The following TMPRSS11D variants were observed in gnomAD, a reference collection of about 807,000 sequenced individuals.
TMPRSS11D encodes transmembrane serine protease 11D.
A neutral mutation model predicts 44.4 loss-of-function variants in TMPRSS11D; 32 were observed. That is an observed-to-expected ratio of 0.72 (90% CI 0.54 to 0.97). The LOEUF (loss-of-function observed/expected upper bound fraction) is 0.97, where lower values mean the gene tolerates loss of function less well. TMPRSS11D is among the 50% of genes least tolerant of loss of function. The pLI is 0.00. For synonymous variants in TMPRSS11D, 179 were observed against 177.9 expected, an observed-to-expected ratio of 1.01 and a Z score of -0.05; for missense variants, 446 against 502.6, an observed-to-expected ratio of 0.89 and a Z score of 1.08.
At chr4:67,866,479 T>C (rs1718929232) in intron 1 of TMPRSS11D, among the ~76,000 whole-genome samples, 1 of 151,846 alleles carries the variant, frequency 6.6e-6, no homozygotes. Context: ...AAACACATTA[T>C]GTGAAGTCGT....
intron 1 of TMPRSS11D, among the ~76,000 whole-genome samples, chr4:67,881,686 T>TC (rs1160491871): frequency 6.6e-6 from 1 of 152,106 alleles, no homozygotes; most frequent in Non-Finnish European, 1.5e-5. Context: ...CGATGGCTCG[T>TC]CCCCCCGCCA....
chr4:67,835,940 A>G (rs1289949794), intron 5 of TMPRSS11D, among the ~76,000 whole-genome samples: 1 of 152,124 alleles, frequency 6.6e-6, no homozygotes, highest in East Asian at 1.9e-4. Flanking sequence ...AGGTCTGTCT[A>G]TTTCAATTTA....
chr4:67,822,578 G>A (rs907791325), intron 9 of TMPRSS11D, 80 bp from the exon 10 acceptor site: 10 of 1,455,180 alleles, frequency 6.9e-6, no homozygotes, highest in Middle Eastern at 1.8e-4. Flanking sequence ...TATGGCAGTC[G>A]AGGAAGGAGT....
intron 2 of TMPRSS11D, among the ~76,000 whole-genome samples, chr4:67,856,589 A>G (rs557343384): frequency 2.0e-5 from 3 of 152,268 alleles, no homozygotes; most frequent in East Asian, 1.9e-4. Context: ...ATTTATCACT[A>G]TGACCTGAAA....
chr4:67,836,641 G>A (rs1718097400), intron 5 of TMPRSS11D, among the ~76,000 whole-genome samples: 1 of 151,986 alleles, frequency 6.6e-6, no homozygotes, highest in Non-Finnish European at 1.5e-5. Flanking sequence ...TTCTAAGGGG[G>A]ACAATAAAAC....
chr4:67,874,427 C>A (rs1719135136), intron 1 of TMPRSS11D, among the ~76,000 whole-genome samples: 1 of 152,152 alleles, frequency 6.6e-6, no homozygotes, highest in Non-Finnish European at 1.5e-5. Flanking sequence ...GTTATCTCTA[C>A]AAAATGTGTC....
At chr4:67,844,588 A>G (rs1407676088) in intron 3 of TMPRSS11D, among the ~76,000 whole-genome samples, 2 of 152,074 alleles carry the variant, frequency 1.3e-5, no homozygotes, top group East Asian at 1.9e-4. Flanking sequence ...AGTCTGGCCA[A>G]CATGGTGAAA....
chr4:67,863,124 C>A (rs948161868), intron 1 of TMPRSS11D, among the ~76,000 whole-genome samples: 15 of 150,512 alleles, frequency 1.0e-4, no homozygotes, highest in African/African-American at 3.6e-4. Context: ...GATCTCAGTA[C>A]AACTCATAAC....
At chr4:67,845,731 T>C (rs952756502) in intron 3 of TMPRSS11D, among the ~76,000 whole-genome samples, 2 of 152,164 alleles carry the variant, frequency 1.3e-5, no homozygotes, top group African/African-American at 4.8e-5. Flanking sequence ...CCCTTCTGAT[T>C]GAGGTGACAA....
intron 1 of TMPRSS11D, among the ~76,000 whole-genome samples, chr4:67,883,045 CTG>C (rs1560553230): frequency 6.6e-6 from 1 of 151,728 alleles, no homozygotes; most frequent in African/African-American, 2.4e-5. Context: ...GTGCATATAA[CTG>C]TATATATATT....
At chr4:67,855,268 A>C (rs973027800) in intron 2 of TMPRSS11D, among the ~76,000 whole-genome samples, 8 of 144,588 alleles carry the variant, frequency 5.5e-5, no homozygotes, top group Non-Finnish European at 1.1e-4. Flanking sequence ...AAAAAAAAAA[A>C]AAAATAGGCC....
chr4:67,827,131 G>A (rs1717812688), intron 8 of TMPRSS11D, 130 bp downstream of exon 8: 1 of 1,238,842 alleles, frequency 8.1e-7, no homozygotes, highest in Admixed American at 2.8e-5. Flanking sequence ...CTTGGGCTGA[G>A]CAGAATATAG....
chr4:67,837,185 C>T (rs191607891), intron 5 of TMPRSS11D, among the ~76,000 whole-genome samples: 1 of 152,214 alleles, frequency 6.6e-6, no homozygotes, highest in Admixed American at 6.6e-5. Flanking sequence ...TAAATAAACA[C>T]TTGGGAAGTG....
intron 1 of TMPRSS11D, among the ~76,000 whole-genome samples, chr4:67,861,462 C>T (rs1718789506): frequency 6.6e-6 from 1 of 152,128 alleles, no homozygotes; most frequent in Non-Finnish European, 1.5e-5. Flanking sequence ...AATGTAACTC[C>T]AAAGGCTAAA....
chr4:67,846,110 A>G (rs1019290656), intron 3 of TMPRSS11D, among the ~76,000 whole-genome samples: 3 of 152,066 alleles, frequency 2.0e-5, no homozygotes, highest in African/African-American at 7.2e-5. Flanking sequence ...CTTTCGTTTC[A>G]CCAGAAGATC....
chr4:67,828,895 G>A (rs1366807762), intron 7 of TMPRSS11D, among the ~76,000 whole-genome samples: 2 of 152,210 alleles, frequency 1.3e-5, no homozygotes, highest in African/African-American at 4.8e-5. Context: ...TAAAGGGTCA[G>A]TGAAAAATAA....
intron 7 of TMPRSS11D, among the ~76,000 whole-genome samples, chr4:67,827,918 T>C (rs1158021080): frequency 6.6e-6 from 1 of 152,076 alleles, no homozygotes; most frequent in African/African-American, 2.4e-5. Flanking sequence ...TTTCAATCCC[T>C]GTCTTTTCCT....
At chr4:67,881,386 C>T (rs181924638) in intron 1 of TMPRSS11D, among the ~76,000 whole-genome samples, 2 of 152,258 alleles carry the variant, frequency 1.3e-5, no homozygotes, top group South Asian at 2.1e-4. Context: ...AGCTGATCTT[C>T]CTGTATGCAG....
At chr4:67,838,024 T>A (rs1388523734) in intron 5 of TMPRSS11D, 148 bp downstream of exon 5, 7 of 551,940 alleles carry the variant, frequency 1.3e-5, no homozygotes, top group South Asian at 4.1e-5. Context: ...GTTAGGGAGC[T>A]ATATGGTATA....
Sources: allele counts gnomAD v4.1 joint callset (sites outside exome capture counted in the v4.1 genomes callset), GRCh38; gene constraint gnomAD v4.1.1; transcripts MANE v1.5; gene names NCBI Gene and HGNC (gene_info 2026-07-23, HGNC 2026-07-21).